The following PCDHGA5 variants were observed in gnomAD, a reference collection of about 807,000 sequenced individuals.
The protein encoded by PCDHGA5 is protocadherin gamma-A5.
PCDHGA5 carries 36 observed loss-of-function variants against 56.7 expected under a neutral mutation model. That is an observed-to-expected ratio of 0.64 (90% CI 0.49 to 0.84). PCDHGA5 has a LOEUF of 0.84. PCDHGA5 is among the 40% of genes least tolerant of loss of function. The probability of loss-of-function intolerance (pLI) is 0.00; values close to 1 mark genes in which losing one functional copy is unlikely to be tolerated. For missense variants in PCDHGA5, 1,305 were observed against 1,201.5 expected (o/e 1.09, Z -1.27); for synonymous variants, 563 against 520.2 (o/e 1.08, Z -1.12).
intron 2 of PCDHGA5, among the ~76,000 whole-genome samples, chr5:141,496,505 A>G (rs1166234572): frequency 1.3e-5 from 2 of 152,144 alleles, no homozygotes; most frequent in Non-Finnish European, 2.9e-5. Flanking sequence ...TGTTGCCACA[A>G]GGACCCAGGA....
intron 1 of PCDHGA5, chr5:141,433,292 C>A: frequency 9.2e-7 from 1 of 1,082,526 alleles, no homozygotes; most frequent in South Asian, 1.6e-5. Context: ...CTCCTAGGCT[C>A]AAGCAATTAT....
chr5:141,473,905 G>T (rs940750776), intron 1 of PCDHGA5, among the ~76,000 whole-genome samples: 2 of 152,096 alleles, frequency 1.3e-5, no homozygotes, highest in African/African-American at 4.8e-5. Context: ...TCATGAAGAG[G>T]TCTTAAGAAA....
Position 141,487,931 on chromosome 5 carries a change from G to A in PCDHGA5, c.2422-6876G>A. The stretch of plus-strand genomic sequence containing the variant: ...AGCACAGGAGGCTACAGTGCACAGG[G>A]TACAGTGCACCAGGCAGTCACTTGG... On this transcript the variant is annotated intron_variant, in intron 1 of 3. Transcript: ENST00000518069. The surrounding 1 kb of genome is among the most constrained non-coding windows in gnomAD (Gnocchi z 5.0). The A allele has an allele frequency of 1.6e-6, 1 of 612,954 alleles. No homozygotes were observed. The highest frequency in any genetic ancestry group is 2.8e-6 in the Non-Finnish European group (1 of 351,318). 38.0% of individuals were successfully genotyped at this position (612,954 alleles called of 1,614,324 possible). A position where few individuals can be genotyped will look rare whatever the true frequency, so the allele number is the denominator to read the frequency against.
chr5:141,478,434 T>C (rs747890986), intron 1 of PCDHGA5: 2 of 1,613,700 alleles, frequency 1.2e-6, no homozygotes, highest in East Asian at 2.2e-5. Flanking sequence ...GACCCGCTGC[T>C]GAAGAAACCT....
intron 1 of PCDHGA5, among the ~76,000 whole-genome samples, chr5:141,425,078 G>A (rs1196415752): frequency 3.9e-5 from 6 of 152,112 alleles, no homozygotes; most frequent in Admixed American, 6.5e-5. Flanking sequence ...AATTTCAACT[G>A]TAGGAAAGGC....
In PCDHGA5 at chr5:141,415,309, G is replaced by A. The variant is rs199689792; in HGVS notation, c.2421+48558G>A. ...GGTCTCCTGCGTCTTCCTGGCCTTC[G>A]TCATCGTGCTGCTGGCGCACAGGCT... is the stretch of plus-strand genomic sequence containing the variant. On this transcript the variant is annotated intron_variant, in intron 1 of 3. Coordinates refer to ENST00000518069, the MANE Select transcript of PCDHGA5 (RefSeq NM_018918.3). 2.7e-5 allele frequency: 44 copies of A among 1,614,216 alleles called. No homozygotes were observed. In the Middle Eastern group the frequency reaches 8.2e-4, roughly 30 times the overall value.
rs748105196 is a variant in PCDHGA5 at position 141,486,849 on chromosome 5, A to G, written c.2422-7958A>G. ...GTTCGTCTATTTGTGCTGGACCTCA[A>G]TGACAATGCTCCAGCTGTGCTCCGT... is the stretch of plus-strand genomic sequence containing the variant. On this transcript the variant is annotated intron_variant, in intron 1 of 3. Coordinates refer to ENST00000518069, the MANE Select transcript of PCDHGA5 (RefSeq NM_018918.3). The surrounding 1 kb of genome is among the most constrained non-coding windows in gnomAD (Gnocchi z 5.0). 4.3e-6 allele frequency: 7 copies of G among 1,614,110 alleles called. No individual in the cohort carries two copies. The highest frequency in any genetic ancestry group is 5.1e-6 in the Non-Finnish European group (6 of 1,180,036).
chr5:141,372,461 GTTTCACC>G, intron 1 of PCDHGA5: 1 of 1,614,040 alleles, frequency 6.2e-7, no homozygotes, highest in South Asian at 1.1e-5. Context: ...CGGAGCTACA[GTTTCACC>G]TAGTAGTGGC....
intron 1 of PCDHGA5, chr5:141,394,008 G>A: frequency 1.2e-6 from 2 of 1,613,330 alleles, no homozygotes; most frequent in South Asian, 2.2e-5. Context: ...AAAGTCAATA[G>A]GTAATTATTA....
chr5:141,459,260 T>G (rs551625614), intron 1 of PCDHGA5, among the ~76,000 whole-genome samples: 1 of 152,344 alleles, frequency 6.6e-6, no homozygotes, highest in South Asian at 2.1e-4. Flanking sequence ...TAAATTAGTG[T>G]TGCCTCTTTC....
In PCDHGA5 at chr5:141,415,309, G is replaced by C. The variant is rs199689792; in HGVS notation, c.2421+48558G>C. 3.4e-5 allele frequency: 55 copies of C among 1,614,098 alleles called. No homozygotes were observed. Among genetic ancestry groups the C allele is most frequent in the Middle Eastern group, 1.6e-4 (1 of 6,084 alleles). On this transcript the variant is annotated intron_variant, in intron 1 of 3. Transcript: ENST00000518069. ...GGTCTCCTGCGTCTTCCTGGCCTTC[G>C]TCATCGTGCTGCTGGCGCACAGGCT...
chr5:141,461,371 G>C (rs755281402), intron 1 of PCDHGA5, among the ~76,000 whole-genome samples: 1 of 152,084 alleles, frequency 6.6e-6, no homozygotes, highest in Non-Finnish European at 1.5e-5. Context: ...GTTTTAATTT[G>C]CATTTTCCTG....
At chr5:141,376,284 G>T (rs1393856164) in intron 1 of PCDHGA5, 12 of 1,614,102 alleles carry the variant, frequency 7.4e-6, no homozygotes, top group Non-Finnish European at 1.0e-5. Flanking sequence ...GGCTTAGCGA[G>T]CATGCCCGGC....
chr5:141,375,065 C>A, intron 1 of PCDHGA5: 1 of 1,613,932 alleles, frequency 6.2e-7, no homozygotes, highest in Non-Finnish European at 8.5e-7. Flanking sequence ...GCCAGGTCTT[C>A]GAGACAGAGC....
At chr5:141,387,714 A>G in intron 1 of PCDHGA5, 1 of 1,059,158 alleles carries the variant, frequency 9.4e-7, no homozygotes, top group East Asian at 2.6e-5. Context: ...GCCCCAGCTC[A>G]GACTCCCCAG....
chr5:141,385,560 T>C (rs920911668), intron 1 of PCDHGA5: 33 of 1,307,128 alleles, frequency 2.5e-5, no homozygotes, highest in Non-Finnish European at 3.0e-5. Context: ...ATTTTATAAT[T>C]TCCACCTACT....
chr5:141,461,072 A>C (rs555905734), intron 1 of PCDHGA5, among the ~76,000 whole-genome samples: 1 of 151,688 alleles, frequency 6.6e-6, no homozygotes, highest in African/African-American at 2.4e-5. Context: ...ACATTTTTGC[A>C]ATTGTGAATT....
chr5:141,420,394 C>A, intron 1 of PCDHGA5: 2 of 1,260,296 alleles, frequency 1.6e-6, no homozygotes, highest in Non-Finnish European at 2.1e-6. Flanking sequence ...AAATATAGGT[C>A]AAATTTATGG....
At chr5:141,419,588 A>T in intron 1 of PCDHGA5, 1 of 1,611,830 alleles carries the variant, frequency 6.2e-7, no homozygotes, top group East Asian at 2.2e-5. Flanking sequence ...GCTCTTCGAC[A>T]CAGTGCCGCG....
Sources: allele counts gnomAD v4.1 joint callset (sites outside exome capture counted in the v4.1 genomes callset), GRCh38; gene constraint gnomAD v4.1.1; non-coding constraint Gnocchi (gnomAD v3.1); transcripts MANE v1.5; gene names NCBI Gene and HGNC (gene_info 2026-07-23, HGNC 2026-07-21).